Variants in RBFOX1 observed in about 807,000 individuals in gnomAD.
RBFOX1 encodes RNA binding fox-1 homolog 1, also known as RNA binding protein fox-1 homolog 1.
Under a neutral mutation model 57.7 loss-of-function variants are expected in RBFOX1, and 8 were observed. The observed-to-expected ratio is 0.14, with a 90% CI of 0.08 to 0.25. The LOEUF is 0.25. Among genes scored for constraint, RBFOX1 ranks in the 10% least tolerant of loss-of-function variants. RBFOX1 has a pLI of 1.00. For synonymous variants in RBFOX1, 326 were observed against 222.4 expected (o/e 1.47, Z -4.15); for missense variants, 611 against 548.5 (o/e 1.11, Z -1.14).
intron 1 of RBFOX1, among the ~76,000 whole-genome samples, chr16:6,196,143 GT>G (rs1259566486): frequency 6.6e-6 from 1 of 152,186 alleles, no homozygotes; most frequent in Non-Finnish European, 1.5e-5. Context: ...AGTTCTACAA[GT>G]TAGGCTTCAT....
At position 6,605,687 on chromosome 16, in the gene RBFOX1, C is replaced by T. The variant is rs550379980; in HGVS notation, c.-63-48916C>T. On this transcript the variant is annotated intron_variant, in intron 2 of 15. Coordinates refer to ENST00000550418, the MANE Select transcript of RBFOX1 (RefSeq NM_018723.4). Reference sequence around the variant, plus strand: ...TATTGGGTACTGGCTCCCCGCCAGGCTCTGGGCAGGGCCTAGATGCTGTGT... The same window carrying T: ...TATTGGGTACTGGCTCCCCGCCAGGTTCTGGGCAGGGCCTAGATGCTGTGT... Among the ~76,000 whole-genome samples the T allele has an allele frequency of 3.3e-5, 5 of 152,204 alleles. No homozygotes were observed. The South Asian group carries it at 1.0e-3, about 31-fold the overall frequency.
intron 4 of RBFOX1, among the ~76,000 whole-genome samples, chr16:7,364,521 A>G (rs1407575116): frequency 6.6e-6 from 1 of 150,670 alleles, no homozygotes; most frequent in African/African-American, 2.4e-5. Context: ...ATCTTTGGCA[A>G]GGGAGAGCAT....
intron 3 of RBFOX1, among the ~76,000 whole-genome samples, chr16:5,722,982 G>A (rs190420598): frequency 6.6e-6 from 1 of 152,276 alleles, no homozygotes; most frequent in East Asian, 1.9e-4. Flanking sequence ...TTTGTCCACT[G>A]CCATATTCGC....
At chr16:6,914,253 A>G (rs773701584) in intron 3 of RBFOX1, among the ~76,000 whole-genome samples, 1 of 152,230 alleles carries the variant, frequency 6.6e-6, no homozygotes, top group Non-Finnish European at 1.5e-5. Context: ...TGTGTATTGC[A>G]GTACGAAAGC....
chr16:6,206,609 TCCA>T (rs984762267), intron 1 of RBFOX1, among the ~76,000 whole-genome samples: 1 of 152,202 alleles, frequency 6.6e-6, no homozygotes, highest in Non-Finnish European at 1.5e-5. Context: ...TTCCCAAATT[TCCA>T]CCACAATACA....
At chr16:6,328,152 G>A (rs1380131795) in intron 2 of RBFOX1, among the ~76,000 whole-genome samples, 1 of 152,160 alleles carries the variant, frequency 6.6e-6, no homozygotes, top group African/African-American at 2.4e-5. Flanking sequence ...CAACCTGGAC[G>A]GGATTGGAGA....
At chr16:6,017,196 T>C (rs754501764), upstream of RBFOX1, among the ~76,000 whole-genome samples, 1 of 152,268 alleles carries the variant, frequency 6.6e-6, no homozygotes, top group Non-Finnish European at 1.5e-5. Flanking sequence ...CTTGAATGAT[T>C]GCATTCATTT....
chr16:6,134,511 C>G (rs562672896), intron 1 of RBFOX1, among the ~76,000 whole-genome samples: 1 of 152,164 alleles, frequency 6.6e-6, no homozygotes, highest in South Asian at 2.1e-4. Flanking sequence ...ATCCTGTGAG[C>G]TCGGGGAAAC....
At chr16:6,772,943 T>C (rs933459408) in intron 3 of RBFOX1, among the ~76,000 whole-genome samples, 4 of 144,056 alleles carry the variant, frequency 2.8e-5, no homozygotes, top group African/African-American at 1.0e-4. Context: ...TGTGTGTGTG[T>C]ATCTATATAT....
chr16:5,672,354 G>T (rs2050038302), intron 3 of RBFOX1, among the ~76,000 whole-genome samples: 2 of 152,094 alleles, frequency 1.3e-5, no homozygotes, highest in African/African-American at 2.4e-5. Context: ...CTTCATGCCT[G>T]GTGCTGTCTC....
chr16:6,427,939 A>T (rs2093976845), intron 2 of RBFOX1, among the ~76,000 whole-genome samples: 1 of 152,168 alleles, frequency 6.6e-6, no homozygotes, highest in Non-Finnish European at 1.5e-5. Context: ...GATAATTTAT[A>T]GTATTGCTGT....
At chr16:5,729,997 C>T (rs776785013) in intron 3 of RBFOX1, among the ~76,000 whole-genome samples, 4 of 152,116 alleles carry the variant, frequency 2.6e-5, no homozygotes, top group African/African-American at 4.8e-5. Flanking sequence ...GGTCCATGCC[C>T]GCAAAGGGGG....
chr16:6,849,374 A>C (rs2093943691), intron 3 of RBFOX1, among the ~76,000 whole-genome samples: 2 of 152,190 alleles, frequency 1.3e-5, no homozygotes. Context: ...CTTTAGATAG[A>C]ACTGAAAGGC....
At chr16:7,227,948 T>C (rs940828834) in intron 4 of RBFOX1, among the ~76,000 whole-genome samples, 5 of 152,170 alleles carry the variant, frequency 3.3e-5, no homozygotes, top group Non-Finnish European at 5.9e-5. Context: ...TTCTTTGCGG[T>C]GAGGAGGCCA....
chr16:6,591,632 T>G (rs12922705), intron 2 of RBFOX1, among the ~76,000 whole-genome samples: 140,922 of 152,156 alleles, frequency 0.93, 66,256 homozygotes, highest in East Asian at 1. Context: ...TTCTTCAGTA[T>G]ATCTCTGTCT....
At chr16:6,898,721 A>T (rs1034495740) in intron 3 of RBFOX1, among the ~76,000 whole-genome samples, 3 of 152,054 alleles carry the variant, frequency 2.0e-5, no homozygotes, top group African/African-American at 7.3e-5. Context: ...ATATGTGTGT[A>T]TGTGTATGAT....
At chr16:5,597,305 CTCTT>C (rs997523705) in intron 2 of RBFOX1, among the ~76,000 whole-genome samples, 1 of 148,768 alleles carries the variant, frequency 6.7e-6, no homozygotes, top group African/African-American at 2.5e-5. Context: ...CCCGCCCTCT[CTCTT>C]TTGAGACAGG....
chr16:5,710,593 C>T (rs559068366), intron 3 of RBFOX1, among the ~76,000 whole-genome samples: 1 of 152,294 alleles, frequency 6.6e-6, no homozygotes, highest in African/African-American at 2.4e-5. Flanking sequence ...AGGCTCACGT[C>T]CTGTGATTGT....
Position 7,052,157 on chromosome 16 carries a change from A to G in RBFOX1, c.27+59A>G. The G allele has an allele frequency of 3.8e-6, 6 of 1,570,452 alleles. No individual in the cohort carries two copies. The South Asian group carries it at 4.9e-5, about 13-fold the overall frequency. Reference sequence around the variant, plus strand: ...TCTCATTTTTGTGTGATAAGCAAAAATTTCCTTGTCTCTCCCAAGACACGG... The same window carrying G: ...TCTCATTTTTGTGTGATAAGCAAAAGTTTCCTTGTCTCTCCCAAGACACGG... On this transcript the variant is annotated intron_variant, in intron 4 of 15. Transcript: ENST00000550418.
Sources: gnomAD v4.1 joint callset for allele counts (sites outside exome capture counted in the v4.1 genomes callset) on GRCh38, gnomAD v4.1.1 for gene constraint, MANE v1.5 for transcripts, NCBI Gene and HGNC (gene_info 2026-07-23, HGNC 2026-07-21) for gene names.